CFAP36: variants seen among roughly 807,000 people sequenced by gnomAD.
The protein encoded by CFAP36 is cilia- and flagella-associated protein 36.
In CFAP36, 37 loss-of-function variants were observed where a neutral mutation model predicts 50.5. The observed-to-expected ratio is 0.73, with a 90% CI of 0.56 to 0.96. The LOEUF (loss-of-function observed/expected upper bound fraction) is 0.96, where lower values mean the gene tolerates loss of function less well. Ranked by LOEUF, CFAP36 falls within the 50% of genes least tolerant of loss-of-function variation. The pLI is 0.00. For missense variants in CFAP36, 407 were observed against 396.2 expected, an observed-to-expected ratio of 1.03 and a Z score of -0.23; for synonymous variants, 138 against 128.2, an observed-to-expected ratio of 1.08 and a Z score of -0.52.
chr2:55,543,691 G>A (rs1684698593), intron 7 of CFAP36, among the ~76,000 whole-genome samples: 1 of 152,120 alleles, frequency 6.6e-6, no homozygotes, highest in African/African-American at 2.4e-5. Flanking sequence ...TGTACAAACA[G>A]CAGAAGCATG....
chr2:55,538,863 A>T lies in CFAP36; in HGVS notation c.640+1278A>T. The T allele has an allele frequency of 9.9e-6, 15 of 1,510,116 alleles. No individual in the cohort carries two copies. The Admixed American group carries it at 1.8e-4, about 18-fold the overall frequency. The allele number at this position is 1,510,116 out of a possible 1,614,324, so 93.5% of individuals were successfully genotyped here. A position where few individuals can be genotyped will look rare whatever the true frequency, so the allele number is the denominator to read the frequency against. Reference sequence around the variant, plus strand: ...CTTCTGACACTAAATATATTCTTCTAAACCTTAGTTTAGAAGAACTTCTAT... The same window carrying T: ...CTTCTGACACTAAATATATTCTTCTTAACCTTAGTTTAGAAGAACTTCTAT... On this transcript the variant is annotated intron_variant, in intron 7 of 9. Transcript: ENST00000349456.
chr2:55,531,460 A>C (rs147163296), intron 4 of CFAP36, among the ~76,000 whole-genome samples: 92 of 152,320 alleles, frequency 6.0e-4, no homozygotes, highest in African/African-American at 1.8e-3. Flanking sequence ...CCAGTGAAGA[A>C]AAGATCTCCC....
intron 3 of CFAP36, among the ~76,000 whole-genome samples, chr2:55,526,584 G>A (rs1415092756): frequency 6.6e-6 from 1 of 152,168 alleles, no homozygotes; most frequent in African/African-American, 2.4e-5. Flanking sequence ...TAGGACTATA[G>A]GTGTGCACCA....
At chr2:55,535,805 T>C in intron 6 of CFAP36, 42 bp downstream of exon 6, 1 of 1,534,358 alleles carries the variant, frequency 6.5e-7, no homozygotes, top group Non-Finnish European at 8.7e-7. Flanking sequence ...ATTGCTGTTA[T>C]CTCTTATTAA....
intron 2 of CFAP36, among the ~76,000 whole-genome samples, chr2:55,523,466 G>C (rs1295284223): frequency 6.6e-6 from 1 of 152,008 alleles, no homozygotes; most frequent in Non-Finnish European, 1.5e-5. Flanking sequence ...GGTAGCAGAA[G>C]AGTTGTACCA....
rs1158581865 is a variant in CFAP36 at position 55,543,966 on chromosome 2, A to C, written c.669A>C (p.Ser223=). ...SEVKMHFANQ[S]IEPLGRKVER... ...TTAAAATGCATTTTGCTAATCAGTC[A>C]ATAGAACCTTTGGGAAGAAAAGTGG... The change falls in exon 8 of 10, where the codon TCA becomes TCC. Residue 223 remains serine, a synonymous_variant. Transcript: ENST00000349456. 5.6e-6 allele frequency: 9 copies of C among 1,613,742 alleles called. No homozygotes were observed. The highest frequency in any genetic ancestry group is 7.6e-6 in the Non-Finnish European group (9 of 1,179,752).
At chr2:55,524,172 T>A (rs1282176652) in intron 3 of CFAP36, among the ~76,000 whole-genome samples, 1 of 152,220 alleles carries the variant, frequency 6.6e-6, no homozygotes, top group Non-Finnish European at 1.5e-5. Context: ...TGCTGCTGCT[T>A]CCTTCTCTTG....
rs1378293850 is a variant in CFAP36, at chr2:55,544,471, C to G, written c.927+102C>G. 2.1e-5 allele frequency: 24 copies of G among 1,166,370 alleles called. 1 individual carries two copies. The South Asian group carries it at 3.6e-4, about 17-fold the overall frequency. 72.3% of individuals were successfully genotyped at this position (1,166,370 alleles called of 1,614,324 possible). A position where few individuals can be genotyped will look rare whatever the true frequency, so the allele number is the denominator to read the frequency against. On this transcript the variant is annotated intron_variant, in intron 9 of 9. Coordinates refer to ENST00000349456, the MANE Select transcript of CFAP36 (RefSeq NM_080667.7). The stretch of plus-strand genomic sequence containing the variant: ...CCTCTAATAAATTTTGCTTGCAGAC[C>G]CATTCATATTAATCACCTCCTAGTG...
chr2:55,531,996 C>G (rs1403499068), intron 4 of CFAP36, among the ~76,000 whole-genome samples: 2 of 152,146 alleles, frequency 1.3e-5, no homozygotes, highest in East Asian at 1.9e-4. Flanking sequence ...TAAGGTAATA[C>G]TTAGTTTCTG....
At chr2:55,523,136 C>G (rs1242227883) in intron 2 of CFAP36, among the ~76,000 whole-genome samples, 1 of 149,532 alleles carries the variant, frequency 6.7e-6, no homozygotes, top group Non-Finnish European at 1.5e-5. Flanking sequence ...AAAGGCCAGG[C>G]GTGGTGGCTC....
At position 55,544,222 on chromosome 2, in the gene CFAP36, C is replaced by A; in HGVS notation, c.780C>A (p.Asn260Lys). 2 of 1,612,124 alleles carry A rather than the reference C, an allele frequency of 1.2e-6. No individual in the cohort carries two copies. Among genetic ancestry groups the A allele is most frequent in the Non-Finnish European group, 1.7e-6 (2 of 1,179,590 alleles). ...EHASIEGPIA[N>K]LSVLGTEELR... is the part of the protein sequence containing the mutation. ...GCTCCTTTTCTTACTTGACCCAGAACTTATCAGTACTTGGAACAGAAGAAC... is the reference window on the plus strand; with the variant it reads ...GCTCCTTTTCTTACTTGACCCAGAAATTATCAGTACTTGGAACAGAAGAAC... Residue 260 changes from asparagine to lysine, a missense_variant and splice_region_variant, in exon 9 of 10, where the codon AAC becomes AAA. By Grantham distance (94) the Asn-to-Lys change is moderately conservative. Transcript: ENST00000349456.
At chr2:55,538,913 C>T (rs2103664044) in intron 7 of CFAP36, 1 of 1,440,430 alleles carries the variant, frequency 6.9e-7, no homozygotes, top group Non-Finnish European at 9.1e-7. Flanking sequence ...TGATGTTTAC[C>T]CATTAATTTT....
intron 4 of CFAP36, among the ~76,000 whole-genome samples, chr2:55,530,774 A>C (rs745398100): frequency 1.3e-5 from 2 of 152,224 alleles, no homozygotes; most frequent in Non-Finnish European, 2.9e-5. Flanking sequence ...TCGTTAGCTC[A>C]ATAGATTGCC....
At chr2:55,519,942 A>G (rs903020337) in intron 1 of CFAP36, 26 bp downstream of exon 1, 31 of 1,603,630 alleles carry the variant, frequency 1.9e-5, no homozygotes, top group Non-Finnish European at 2.4e-5. Context: ...CGAACCGACA[A>G]TCCTTTTCTC....
At chr2:55,540,782 G>A (rs547301208) in intron 7 of CFAP36, among the ~76,000 whole-genome samples, 1 of 152,022 alleles carries the variant, frequency 6.6e-6, no homozygotes, top group Non-Finnish European at 1.5e-5. Flanking sequence ...AGGCCAAGGC[G>A]GGAAAACTGT....
intron 3 of CFAP36, among the ~76,000 whole-genome samples, chr2:55,524,345 C>T (rs1684146064): frequency 6.6e-6 from 1 of 152,024 alleles, no homozygotes; most frequent in African/African-American, 2.4e-5. Flanking sequence ...GCTCAACATC[C>T]CTGGGCTCAG....
At chr2:55,542,726 A>G (rs546624197) in intron 7 of CFAP36, among the ~76,000 whole-genome samples, 31 of 152,344 alleles carry the variant, frequency 2.0e-4, no homozygotes, top group African/African-American at 7.5e-4. Flanking sequence ...CCCCCTCCTC[A>G]GGAATTATTT....
intron 4 of CFAP36, among the ~76,000 whole-genome samples, chr2:55,530,191 T>C (rs2103646625): frequency 6.6e-6 from 1 of 152,168 alleles, no homozygotes; most frequent in East Asian, 1.9e-4. Context: ...GATCTGATGG[T>C]TTTGGGAAAG....
chr2:55,523,740 G>T lies in CFAP36; in HGVS notation c.200G>T (p.Gly67Val), dbSNP rs546758435. The T allele has an allele frequency of 1.5e-4, 234 of 1,604,826 alleles. 2 individuals are homozygous for T. The South Asian group carries it at 1.8e-3, about 12-fold the overall frequency. The change falls in exon 3 of 10, where the codon GGT becomes GTT. Residue 67 changes from glycine to valine, a missense_variant. Transcript: ENST00000349456. ...YKELVEKLLE[G>V]YLKEIGINED... Reference sequence around the variant, plus strand: ...TTTTAGGTTGAAAAGCTGTTAGAAGGTTACCTCAAAGAAATTGGAATTAAT... The same window carrying T: ...TTTTAGGTTGAAAAGCTGTTAGAAGTTTACCTCAAAGAAATTGGAATTAAT...
Sources: allele counts gnomAD v4.1 joint callset (sites outside exome capture counted in the v4.1 genomes callset), GRCh38; gene constraint gnomAD v4.1.1; transcripts MANE v1.5; gene names NCBI Gene and HGNC (gene_info 2026-07-23, HGNC 2026-07-21).